VPS13C: variants seen among roughly 807,000 people sequenced by gnomAD.
The protein encoded by VPS13C is vacuolar protein sorting 13 homolog C, also known as intermembrane lipid transfer protein VPS13C.
In VPS13C, 358 loss-of-function variants were observed where a neutral mutation model predicts 456.8. The observed-to-expected ratio is 0.78, with a 90% CI of 0.72 to 0.86. The LOEUF (loss-of-function observed/expected upper bound fraction) is 0.86. VPS13C is among the 40% of genes least tolerant of loss of function. The pLI, the probability that VPS13C is intolerant of heterozygous loss-of-function variation, is 0.00. For missense variants in VPS13C, 4,818 were observed against 4,385.4 expected (o/e 1.10, Z -2.79); for synonymous variants, 1,578 against 1,486.7 (o/e 1.06, Z -1.41).
At chr15:61,884,570 A>G (rs1037940066) in intron 67 of VPS13C, among the ~76,000 whole-genome samples, 7 of 152,070 alleles carry the variant, frequency 4.6e-5, no homozygotes, top group Non-Finnish European at 1.0e-4. Flanking sequence ...ACAAAATTCA[A>G]GTTATTAGAT....
chr15:61,927,219 C>G lies in VPS13C; in HGVS notation c.6388G>C (p.Ala2130Pro), dbSNP rs1217726411. 1.2e-6 allele frequency: 2 copies of G among 1,614,068 alleles called. No homozygotes were observed. The highest frequency in any genetic ancestry group is 1.7e-5 in the Admixed American group (1 of 60,004). The change falls in exon 52 of 85, where the codon GCC (alanine) becomes CCC (proline). Residue 2130 changes from alanine to proline, a missense_variant. Ala to Pro is a conservative substitution (Grantham distance 27). Coordinates refer to ENST00000644861, the MANE Select transcript of VPS13C (RefSeq NM_020821.3). ...AGAGAAAGGTTGCACTGAAACGAGG[C>G]TGTCAGAGCAGGAGCATCAGCCTTT... ...LTKADAPALT[A>P]SFQCNLSLST...
At chr15:61,912,091 A>G in intron 62 of VPS13C, 87 bp from the exon 63 acceptor site, 1 of 1,126,800 alleles carries the variant, frequency 8.9e-7, no homozygotes, top group Non-Finnish European at 1.2e-6. Flanking sequence ...CAAACTTCTT[A>G]CAATATTTTA....
At chr15:62,053,550 C>T (rs960965937) in intron 1 of VPS13C, among the ~76,000 whole-genome samples, 4 of 152,142 alleles carry the variant, frequency 2.6e-5, no homozygotes, top group African/African-American at 9.7e-5. Context: ...AGTGGCAGTA[C>T]CACTCATCCA....
chr15:61,922,637 A>G lies in VPS13C; in HGVS notation c.6735T>C (p.Asn2245=), dbSNP rs750074465. 6 of 1,613,944 alleles carry G rather than the reference A, an allele frequency of 3.7e-6. No homozygotes were observed. In the African/African-American group the frequency reaches 4.0e-5, roughly 11 times the overall value. Residue 2245 remains asparagine (N), a synonymous_variant, in exon 54 of 85, where the codon AAT becomes AAC. Coordinates refer to ENST00000644861, the MANE Select transcript of VPS13C (RefSeq NM_020821.3). ...CACCAAGAAACCAAGTGTTATAATCATTAATCGATTTGATACCCCAAAGAT... is the reference window on the plus strand; with the variant it reads ...CACCAAGAAACCAAGTGTTATAATCGTTAATCGATTTGATACCCCAAAGAT... The part of the protein sequence containing the change: ...MENLWGIKSI[N]DYNTWFLGVD...
intron 1 of VPS13C, among the ~76,000 whole-genome samples, chr15:62,052,481 C>A (rs113665860): frequency 3.9e-5 from 6 of 151,900 alleles, no homozygotes; most frequent in Admixed American, 1.3e-4. Context: ...CAAGACCATC[C>A]TGATACGGTG....
intron 66 of VPS13C, among the ~76,000 whole-genome samples, chr15:61,895,340 G>A (rs898506410): frequency 4.0e-5 from 6 of 151,682 alleles, no homozygotes; most frequent in Non-Finnish European, 8.8e-5. Flanking sequence ...AAAATTAGTA[G>A]AAGGAAAAAA....
chr15:62,028,571 TTC>T, intron 5 of VPS13C, 151 bp from the exon 6 acceptor site: 1 of 689,414 alleles, frequency 1.5e-6, no homozygotes, highest in African/African-American at 1.8e-5. Flanking sequence ...ACTATTTTAT[TTC>T]TGAGGAAATA....
At chr15:61,958,348 C>G (rs985732920) in intron 37 of VPS13C, among the ~76,000 whole-genome samples, 2 of 152,054 alleles carry the variant, frequency 1.3e-5, no homozygotes, top group Non-Finnish European at 2.9e-5. Context: ...GAATCTACCA[C>G]TGATTTGAAG....
chr15:61,854,672 G>A (rs908901814), intron 84 of VPS13C, 114 bp from the exon 85 acceptor site: 2 of 1,170,514 alleles, frequency 1.7e-6, no homozygotes, highest in Non-Finnish European at 2.5e-6. Context: ...AACAGCTAAG[G>A]ACCAAGGATA....
intron 76 of VPS13C, 67 bp from the exon 77 acceptor site, chr15:61,875,018 G>GTAAAAGTA (rs1405465981): frequency 2.2e-6 from 3 of 1,359,802 alleles, no homozygotes; most frequent in Non-Finnish European, 2.9e-6. Context: ...TACTTTAATA[G>GTAAAAGTA]TTCAGGGTTT....
At chr15:62,024,633 T>C (rs1195119396) in intron 6 of VPS13C, among the ~76,000 whole-genome samples, 1 of 152,106 alleles carries the variant, frequency 6.6e-6, no homozygotes, top group Non-Finnish European at 1.5e-5. Context: ...TCTTTTAAAA[T>C]ACTAATCACA....
At chr15:61,964,894 CACAGCCAATTATA>C in intron 30 of VPS13C, 33 bp from the exon 31 acceptor site, 1 of 1,583,176 alleles carries the variant, frequency 6.3e-7, no homozygotes, top group Non-Finnish European at 8.6e-7. Context: ...ATTAGTTTTC[CACAGCCAATTATA>C]ACCTGTAGTC....
At chr15:62,056,493 G>A (rs532153433) in intron 1 of VPS13C, among the ~76,000 whole-genome samples, 41 of 152,304 alleles carry the variant, frequency 2.7e-4, no homozygotes, top group Non-Finnish European at 5.3e-4. Flanking sequence ...GAAGACGCCC[G>A]TTGCCGAGCG....
At position 62,034,965 on chromosome 15, in the gene VPS13C, G is replaced by A; in HGVS notation, c.275C>T (p.Pro92Leu). The change falls in exon 4 of 85, where the codon CCT becomes CTT. Residue 92 changes from proline (P) to leucine (L), a missense_variant. Coordinates refer to ENST00000644861, the MANE Select transcript of VPS13C (RefSeq NM_020821.3). ...AACCTAAAATAACATACTTGCTCCA[G>A]GGACAACAAGCAGGTATAATCCTTC... is the stretch of plus-strand genomic sequence containing the variant. Reference protein sequence around the residue: ...TLEGLYLLVVPGASIKYDAVK... With the variant: ...TLEGLYLLVVLGASIKYDAVK... 6.3e-7 allele frequency: 1 copy of A among 1,590,674 alleles called. No individual in the cohort carries two copies. Among genetic ancestry groups the A allele is most frequent in the Non-Finnish European group, 8.6e-7 (1 of 1,167,226 alleles).
At chr15:61,978,565 C>A in intron 23 of VPS13C, 61 bp downstream of exon 23, 1 of 1,567,410 alleles carries the variant, frequency 6.4e-7, no homozygotes, top group Non-Finnish European at 8.6e-7. Flanking sequence ...CATATATACA[C>A]GTATATTACA....
At chr15:61,971,935 C>T (rs887114350) in intron 27 of VPS13C, among the ~76,000 whole-genome samples, 1 of 152,136 alleles carries the variant, frequency 6.6e-6, no homozygotes, top group African/African-American at 2.4e-5. Context: ...ATAAGGAACA[C>T]CTCCATTTTC....
chr15:61,880,651 T>A lies in VPS13C; in HGVS notation c.9960A>T (p.Ser3320=). The stretch of plus-strand genomic sequence containing the variant: ...GGAAATGTTCAAAGAAACTAAGAAT[T>A]GACATATCAGTCATTGAAGTCTCCA... ...ELMETSMTDM[S]ILSFFEHFHI... Residue 3320 remains serine, a synonymous_variant, in exon 73 of 85, where the codon TCA becomes TCT. Transcript: ENST00000644861. 1 of 1,599,066 alleles carries A rather than the reference T, an allele frequency of 6.3e-7. No homozygotes were observed. Among genetic ancestry groups the A allele is most frequent in the Non-Finnish European group, 8.5e-7 (1 of 1,173,962 alleles).
intron 5 of VPS13C, among the ~76,000 whole-genome samples, chr15:62,029,434 T>C (rs1319986338): frequency 6.6e-6 from 1 of 152,110 alleles, no homozygotes; most frequent in Non-Finnish European, 1.5e-5. Flanking sequence ...ACAGATGCTC[T>C]ATACTTTCCC....
intron 60 of VPS13C, among the ~76,000 whole-genome samples, chr15:61,917,073 T>C (rs2043494733): frequency 6.6e-6 from 1 of 152,134 alleles, no homozygotes; most frequent in Admixed American, 6.6e-5. Context: ...TCAACTCAGT[T>C]TTCTTATGTG....
Sources: gnomAD v4.1 joint callset for allele counts (sites outside exome capture counted in the v4.1 genomes callset) on GRCh38, gnomAD v4.1.1 for gene constraint, MANE v1.5 for transcripts, NCBI Gene and HGNC (gene_info 2026-07-23, HGNC 2026-07-21) for gene names.